GPR149: variants seen among roughly 807,000 people sequenced by gnomAD.
The protein encoded by GPR149 is probable G protein-coupled receptor 149.
In GPR149, 50 loss-of-function variants were observed where a neutral mutation model predicts 50.2. The observed-to-expected ratio is 1.00, with a 90% CI of 0.79 to 1.26. GPR149 has a LOEUF of 1.26. Among genes scored for constraint, GPR149 ranks in the 50% most tolerant of loss-of-function variants. The probability of loss-of-function intolerance (pLI) is 0.00; values close to 1 mark genes in which losing one functional copy is unlikely to be tolerated. For synonymous variants in GPR149, 405 were observed against 358.2 expected (o/e 1.13, Z -1.48); for missense variants, 983 against 895.4 (o/e 1.10, Z -1.25).
chr3:154,376,346 T>G (rs890102644), intron 3 of GPR149, among the ~76,000 whole-genome samples: 3 of 152,248 alleles, frequency 2.0e-5, no homozygotes, highest in Non-Finnish European at 4.4e-5. Context: ...GTTTCTCTGC[T>G]ATATATCAAT....
intron 3 of GPR149, chr3:154,352,639 G>A (rs1714108282): frequency 3.9e-6 from 3 of 778,174 alleles, no homozygotes; most frequent in Non-Finnish European, 7.2e-6. Flanking sequence ...AGAAATGTGG[G>A]CTAAAGTTGC....
chr3:154,421,907 G>T (rs1003061561), intron 2 of GPR149, among the ~76,000 whole-genome samples: 1 of 151,502 alleles, frequency 6.6e-6, no homozygotes, highest in Non-Finnish European at 1.5e-5. Context: ...TTATTAAGTA[G>T]CCTTAATATT....
chr3:154,382,350 G>A (rs929477699), intron 3 of GPR149, among the ~76,000 whole-genome samples: 3 of 152,112 alleles, frequency 2.0e-5, no homozygotes, highest in Admixed American at 6.6e-5. Flanking sequence ...CAACACCAGG[G>A]GTCAGATGTA....
At chr3:154,348,118 T>C (rs1713979117) in intron 3 of GPR149, among the ~76,000 whole-genome samples, 1 of 152,212 alleles carries the variant, frequency 6.6e-6, no homozygotes, top group African/African-American at 2.4e-5. Context: ...TAGTTATTAT[T>C]GGAAGCTGAG....
At chr3:154,394,452 AG>A (rs899660253) in intron 3 of GPR149, among the ~76,000 whole-genome samples, 1 of 152,242 alleles carries the variant, frequency 6.6e-6, no homozygotes, top group East Asian at 1.9e-4. Context: ...AAGAAAATAT[AG>A]GGAAAAAACT....
At chr3:154,415,375 A>G (rs1711957820) in intron 3 of GPR149, among the ~76,000 whole-genome samples, 1 of 151,964 alleles carries the variant, frequency 6.6e-6, no homozygotes, top group Non-Finnish European at 1.5e-5. Flanking sequence ...GAAGATCACA[A>G]AATGTACTAT....
At chr3:154,378,697 C>G (rs1274321262) in intron 3 of GPR149, among the ~76,000 whole-genome samples, 1 of 152,178 alleles carries the variant, frequency 6.6e-6, no homozygotes, top group Non-Finnish European at 1.5e-5. Flanking sequence ...CAGCAATGCA[C>G]GTTTCATTTT....
chr3:154,338,202 C>T lies in GPR149; in HGVS notation c.1693G>A (p.Gly565Arg), dbSNP rs1423739314. 1 of 1,613,944 alleles carries T rather than the reference C, an allele frequency of 6.2e-7. No individual in the cohort carries two copies. The highest frequency in any genetic ancestry group is 8.5e-7 in the Non-Finnish European group (1 of 1,179,938). Residue 565 changes from glycine to arginine, a missense_variant, in exon 4 of 4, where the codon GGG (glycine) becomes AGG (arginine). By Grantham distance (125) the Gly-to-Arg change is moderately radical (BLOSUM62 -2). Transcript: ENST00000389740. ...QGTVSLHAPT[G>R]KTLSLSTYEV... ...TAGGTAGAAAGAGATAGGGTTTTCC[C>T]TGTAGGTGCATGGAGAGACACAGTC...
intron 3 of GPR149, among the ~76,000 whole-genome samples, chr3:154,400,143 C>CAT (rs1559985222): frequency 6.6e-6 from 1 of 151,818 alleles, no homozygotes; most frequent in African/African-American, 2.4e-5. Flanking sequence ...CCCGCCACTG[C>CAT]GCCCGGCTAA....
intron 3 of GPR149, chr3:154,353,023 T>A: frequency 7.4e-7 from 1 of 1,350,290 alleles, no homozygotes; most frequent in Non-Finnish European, 1.1e-6. Flanking sequence ...ACTTTAAAAC[T>A]ATCTTCTCTG....
Position 154,339,779 on chromosome 3 carries a change from CTTTTTTTTTTT to C in GPR149, c.1624-1519_1624-1509del, listed in dbSNP as rs71152802. On this transcript the variant is annotated intron_variant, in intron 3 of 3. Transcript: ENST00000389740. ...TTGGGGGTGCCTTCATGCTCTACTT[CTTTTTTTTTTT>C]TTTTTTTTTTTTTTTTTGAGACGAA... 5.9e-5 allele frequency among the ~76,000 whole-genome samples: 4 copies of C among 68,352 alleles called. 1 individual carries two copies. Among genetic ancestry groups the C allele is most frequent in the Admixed American group, 4.5e-4 (2 of 4,486 alleles). The allele number at this position is 68,352 out of a possible 152,430, so 44.8% of individuals were successfully genotyped here.
chr3:154,353,772 T>A, intron 3 of GPR149: 1 of 745,034 alleles, frequency 1.3e-6, no homozygotes, highest in Non-Finnish European at 2.4e-6. Context: ...CAAAAAAGAA[T>A]GTCTTTCCTG....
At chr3:154,391,018 C>T (rs1041470459) in intron 3 of GPR149, among the ~76,000 whole-genome samples, 1 of 151,982 alleles carries the variant, frequency 6.6e-6, no homozygotes, top group African/African-American at 2.4e-5. Flanking sequence ...CAAATAAAAT[C>T]TGAGGGAGTT....
At chr3:154,387,505 T>C (rs929447531) in intron 3 of GPR149, among the ~76,000 whole-genome samples, 1 of 152,166 alleles carries the variant, frequency 6.6e-6, no homozygotes, top group Non-Finnish European at 1.5e-5. Flanking sequence ...TGAAATGCAG[T>C]GAGCCTGACA....
intron 3 of GPR149, chr3:154,353,655 A>G: frequency 7.3e-7 from 1 of 1,370,350 alleles, no homozygotes; most frequent in Non-Finnish European, 1.0e-6. Flanking sequence ...GTCTTTGGCT[A>G]CTTGGTTTGC....
At chr3:154,401,738 A>G (rs558007547) in intron 3 of GPR149, among the ~76,000 whole-genome samples, 1 of 152,310 alleles carries the variant, frequency 6.6e-6, no homozygotes, top group South Asian at 2.1e-4. Flanking sequence ...CAGTTAAGGG[A>G]TAAAGGAAAA....
chr3:154,365,618 C>T (rs1714512443), intron 3 of GPR149, among the ~76,000 whole-genome samples: 1 of 152,140 alleles, frequency 6.6e-6, no homozygotes, highest in South Asian at 2.1e-4. Context: ...TAAGAAAAGC[C>T]ATGCACCACC....
intron 3 of GPR149, among the ~76,000 whole-genome samples, chr3:154,387,057 G>A (rs28593672): frequency 0.01 from 1,574 of 152,082 alleles, 10 homozygotes; most frequent in Non-Finnish European, 0.015. Context: ...ACCATTAACT[G>A]AATATATATA....
At chr3:154,340,605 T>A (rs1713768208) in intron 3 of GPR149, among the ~76,000 whole-genome samples, 1 of 152,230 alleles carries the variant, frequency 6.6e-6, no homozygotes. Context: ...ATGTAGTAAT[T>A]GAGAGATAGT....
Sources: allele counts gnomAD v4.1 joint callset (sites outside exome capture counted in the v4.1 genomes callset), GRCh38; gene constraint gnomAD v4.1.1; transcripts MANE v1.5; gene names NCBI Gene and HGNC (gene_info 2026-07-23, HGNC 2026-07-21).